AGBL1: variants seen among roughly 807,000 people sequenced by gnomAD.
The protein encoded by AGBL1 is AGBL carboxypeptidase 1, also known as cytosolic carboxypeptidase 4.
In AGBL1, 130 loss-of-function variants were observed where a neutral mutation model predicts 118.9. That is an observed-to-expected ratio of 1.09 (90% CI 0.95 to 1.26). The LOEUF is 1.26. Among genes scored for constraint, AGBL1 ranks in the 50% most tolerant of loss-of-function variants. The probability of loss-of-function intolerance (pLI) is 0.00; values close to 1 mark genes in which losing one functional copy is unlikely to be tolerated. For synonymous variants in AGBL1, 555 were observed against 478.9 expected (o/e 1.16, Z -2.08); for missense variants, 1,584 against 1,298.1 (o/e 1.22, Z -3.38).
In AGBL1 at chr15:86,700,546, A is replaced by T. The variant is rs945439007; in HGVS notation, c.3158+26110A>T. Among the ~76,000 whole-genome samples the T allele has an allele frequency of 4.0e-5, 6 of 151,716 alleles. No homozygotes were observed. In the East Asian group the frequency reaches 1.2e-3, roughly 29 times the overall value. Reference sequence around the variant, plus strand: ...TTGAAGTGGTCTTTCTCTTGACAAGAAGTAGTTTAGGCAACAATATAGTAC... The same window carrying T: ...TTGAAGTGGTCTTTCTCTTGACAAGTAGTAGTTTAGGCAACAATATAGTAC... On this transcript the variant is annotated intron_variant, in intron 22 of 22. Transcript: ENST00000614907.
At chr15:86,868,831 A>G (rs2079677537) in intron 22 of AGBL1, among the ~76,000 whole-genome samples, 1 of 152,218 alleles carries the variant, frequency 6.6e-6, no homozygotes, top group African/African-American at 2.4e-5. Flanking sequence ...GACATGCAAC[A>G]TGTTGAAAAA....
chr15:86,341,855 G>A (rs1450633815), intron 17 of AGBL1, among the ~76,000 whole-genome samples: 1 of 152,028 alleles, frequency 6.6e-6, no homozygotes, highest in Non-Finnish European at 1.5e-5. Flanking sequence ...AACATTAATA[G>A]TAACACTTTT....
chr15:86,419,753 C>T lies in AGBL1; in HGVS notation c.2555+22207C>T, dbSNP rs142257325. Among the ~76,000 whole-genome samples the T allele has an allele frequency of 6.0e-4, 92 of 152,276 alleles. No homozygotes were observed. In the East Asian group the frequency reaches 0.016, roughly 27 times the overall value. ...TGCCAGCACAGCAGTCTGAAGTCGA[C>T]CTGGGATGCTCTAGCTTTGTTGGGG... On this transcript the variant is annotated intron_variant, in intron 18 of 22. Coordinates refer to ENST00000614907, the MANE Select transcript of AGBL1 (RefSeq NM_001386094.1).
At chr15:86,906,030 G>C (rs964297759) in intron 22 of AGBL1, among the ~76,000 whole-genome samples, 1 of 152,220 alleles carries the variant, frequency 6.6e-6, no homozygotes, top group African/African-American at 2.4e-5. Context: ...AGACAATTAA[G>C]ACACTGGCCT....
chr15:86,942,052 G>A (rs1459683004), intron 23 of AGBL1, among the ~76,000 whole-genome samples: 1 of 152,164 alleles, frequency 6.6e-6, no homozygotes, highest in East Asian at 1.9e-4. Context: ...CTCTCCATTA[G>A]GACAGAAGAG....
intron 22 of AGBL1, among the ~76,000 whole-genome samples, chr15:86,786,244 T>C (rs1013896156): frequency 6.6e-6 from 1 of 152,110 alleles, no homozygotes; most frequent in Admixed American, 6.6e-5. Flanking sequence ...CTCCTAAAGC[T>C]ATCCCTCCCC....
intron 20 of AGBL1, among the ~76,000 whole-genome samples, chr15:86,550,480 T>C (rs1333316215): frequency 6.6e-6 from 1 of 152,140 alleles, no homozygotes; most frequent in Non-Finnish European, 1.5e-5. Flanking sequence ...GATGGTTATA[T>C]TGACATAAGA....
At chr15:86,371,883 G>A (rs6496325) in intron 17 of AGBL1, among the ~76,000 whole-genome samples, 2 of 152,094 alleles carry the variant, frequency 1.3e-5, no homozygotes, top group Admixed American at 6.5e-5. Context: ...CTGCTTGTAG[G>A]GGGGAGGTGA....
At chr15:86,298,844 A>C (rs62015570) in intron 17 of AGBL1, among the ~76,000 whole-genome samples, 5,053 of 152,162 alleles carry the variant, frequency 0.033, 105 homozygotes, top group Middle Eastern at 0.071. Context: ...ATGCTGGGGG[A>C]ACTCCCCTCT....
At chr15:86,357,994 ATATC>A (rs1333115624) in intron 17 of AGBL1, among the ~76,000 whole-genome samples, 1 of 152,128 alleles carries the variant, frequency 6.6e-6, no homozygotes, top group Admixed American at 6.5e-5. Context: ...GCTAATTAAT[ATATC>A]TATCACCTCA....
At chr15:86,218,219 G>T (rs2078221459) in intron 5 of AGBL1, among the ~76,000 whole-genome samples, 1 of 152,146 alleles carries the variant, frequency 6.6e-6, no homozygotes, top group African/African-American at 2.4e-5. Flanking sequence ...GACAACTTAA[G>T]AGCTCTCTAG....
intron 18 of AGBL1, among the ~76,000 whole-genome samples, chr15:86,429,783 C>G (rs141752997): frequency 1.4e-4 from 22 of 152,326 alleles, no homozygotes; most frequent in Middle Eastern, 3.4e-3. Context: ...TGCCTTTGAG[C>G]ATTGCCACTT....
chr15:86,269,057 T>G (rs750809871), intron 13 of AGBL1, among the ~76,000 whole-genome samples: 2 of 152,160 alleles, frequency 1.3e-5, no homozygotes, highest in African/African-American at 4.8e-5. Flanking sequence ...TTTGGAGATA[T>G]ATAGTGATGG....
chr15:86,958,206 T>TAAAA (rs545565434), intron 23 of AGBL1, among the ~76,000 whole-genome samples: 17 of 125,192 alleles, frequency 1.4e-4, no homozygotes, highest in Admixed American at 2.5e-4. Context: ...TCTTGTTTCT[T>TAAAA]AAAAAAAAAA....
At chr15:86,885,653 A>C (rs2079959288) in intron 22 of AGBL1, among the ~76,000 whole-genome samples, 1 of 152,208 alleles carries the variant, frequency 6.6e-6, no homozygotes, top group Non-Finnish European at 1.5e-5. Context: ...TGTATGTGAA[A>C]AAAGCAATAA....
At chr15:86,471,419 T>G (rs2082477324) in intron 18 of AGBL1, among the ~76,000 whole-genome samples, 1 of 152,306 alleles carries the variant, frequency 6.6e-6, no homozygotes, top group South Asian at 2.1e-4. Context: ...TGTTTGACTG[T>G]TTCAATGTGC....
intron 6 of AGBL1, among the ~76,000 whole-genome samples, chr15:86,230,391 C>T (rs2078436892): frequency 6.6e-6 from 1 of 152,194 alleles, no homozygotes; most frequent in Non-Finnish European, 1.5e-5. Context: ...CCAAGGAGTC[C>T]TCAGAATGGC....
At chr15:86,526,540 CTG>C (rs201896973) in intron 19 of AGBL1, among the ~76,000 whole-genome samples, 12 of 48,662 alleles carry the variant, frequency 2.5e-4, no homozygotes, top group African/African-American at 8.8e-4. Context: ...ATGTTTGTGT[CTG>C]TGTATATATA....
At chr15:86,505,517 T>A (rs1026215450) in intron 18 of AGBL1, among the ~76,000 whole-genome samples, 2 of 151,980 alleles carry the variant, frequency 1.3e-5, no homozygotes, top group African/African-American at 4.8e-5. Flanking sequence ...CACTGAATAC[T>A]TTTTCTGTCT....
Sources: gnomAD v4.1 joint callset for allele counts (sites outside exome capture counted in the v4.1 genomes callset) on GRCh38, gnomAD v4.1.1 for gene constraint, MANE v1.5 for transcripts, NCBI Gene and HGNC (gene_info 2026-07-23, HGNC 2026-07-21) for gene names.